Variants in PPP4R3B observed in about 807,000 individuals in gnomAD.
The protein encoded by PPP4R3B is protein phosphatase 4 regulatory subunit 3B, also known as serine/threonine-protein phosphatase 4 regulatory subunit 3B.
Under a neutral mutation model 95.4 loss-of-function variants are expected in PPP4R3B, and 52 were observed. The ratio of observed to expected loss-of-function variants is 0.54; its 90% CI spans 0.44 to 0.69. The LOEUF is 0.69. PPP4R3B is among the 30% of genes least tolerant of loss of function. The pLI, the probability that PPP4R3B is intolerant of heterozygous loss-of-function variation, is 0.00. For missense variants in PPP4R3B, 1,003 were observed against 1,005.9 expected (o/e 1.00, Z 0.04); for synonymous variants, 407 against 343.9 (o/e 1.18, Z -2.03).
At chr2:55,568,505 C>G in intron 12 of PPP4R3B, 142 bp from the exon 13 acceptor site, 3 of 609,122 alleles carry the variant, frequency 4.9e-6, no homozygotes, top group Non-Finnish European at 7.4e-6. Flanking sequence ...GTAAACTCCT[C>G]TAAAATGAAA....
intron 3 of PPP4R3B, among the ~76,000 whole-genome samples, chr2:55,602,417 A>C (rs1054649988): frequency 6.6e-6 from 1 of 152,226 alleles, no homozygotes; most frequent in Non-Finnish European, 1.5e-5. Context: ...CTAAGCACTC[A>C]GAATATCCTG....
At chr2:55,599,262 A>AC (rs1404051035) in intron 3 of PPP4R3B, among the ~76,000 whole-genome samples, 2 of 151,724 alleles carry the variant, frequency 1.3e-5, no homozygotes, top group Non-Finnish European at 2.9e-5. Context: ...ACATGGTGAA[A>AC]CCCCAACTCC....
intron 10 of PPP4R3B, among the ~76,000 whole-genome samples, chr2:55,577,751 T>C (rs1688879397): frequency 6.6e-6 from 1 of 152,132 alleles, no homozygotes; most frequent in African/African-American, 2.4e-5. Flanking sequence ...CATCTAATTT[T>C]TAAAAACAGA....
rs1473902185 is a variant in PPP4R3B, at chr2:55,575,024, G to A, written c.1607-1247C>T. On this transcript the variant is annotated intron_variant, in intron 11 of 16. Transcript: ENST00000616407. ...GCGATCTCGGCTCACTGCAAGCTCC[G>A]CCTCCCGGGTTCACGCCATTCTCCT... Among the ~76,000 whole-genome samples, 7 of 129,036 alleles carry A rather than the reference G, an allele frequency of 5.4e-5. No homozygotes were observed. The East Asian group carries it at 1.5e-3, about 27-fold the overall frequency. The allele number at this position is 129,036 out of a possible 152,430, so 84.7% of individuals were successfully genotyped here.
chr2:55,567,016 A>C (rs563595557), intron 13 of PPP4R3B, among the ~76,000 whole-genome samples: 10 of 152,340 alleles, frequency 6.6e-5, no homozygotes, highest in Non-Finnish European at 1.5e-4. Context: ...CAAACAAAAC[A>C]AAACAAAAAA....
At chr2:55,598,155 G>T (rs1190337911) in intron 4 of PPP4R3B, among the ~76,000 whole-genome samples, 1 of 152,164 alleles carries the variant, frequency 6.6e-6, no homozygotes, top group African/African-American at 2.4e-5. Flanking sequence ...GGGAAGCGTA[G>T]GTTGCAGTGA....
intron 12 of PPP4R3B, among the ~76,000 whole-genome samples, chr2:55,569,547 G>T (rs552921236): frequency 6.6e-6 from 1 of 152,296 alleles, no homozygotes; most frequent in African/African-American, 2.4e-5. Flanking sequence ...TCTATGATAA[G>T]CAGAAATAAT....
chr2:55,600,241 A>ACT (rs1692352313), intron 3 of PPP4R3B, among the ~76,000 whole-genome samples: 1 of 152,104 alleles, frequency 6.6e-6, no homozygotes, highest in Non-Finnish European at 1.5e-5. Flanking sequence ...AGCCTGACCA[A>ACT]CATGGAGAAA....
In PPP4R3B at chr2:55,591,889, ATACT is replaced by A. The variant is rs538063737; in HGVS notation, c.922-2937_922-2934del. Among the ~76,000 whole-genome samples, 388 of 152,332 alleles carry A rather than the reference ATACT, an allele frequency of 2.5e-3. 2 individuals carry two copies. Among genetic ancestry groups the A allele is most frequent in the African/African-American group, 7.5e-3 (313 of 41,584 alleles). The stretch of plus-strand genomic sequence containing the variant: ...ACTTAAAGCCTATCATATAGTTGAA[ATACT>A]TACTCCAAAATCTCTGGTTCTCCAA... On this transcript the variant is annotated intron_variant, in intron 4 of 16. Transcript: ENST00000616407.
At chr2:55,608,672 C>T (rs1287480002) in intron 2 of PPP4R3B, among the ~76,000 whole-genome samples, 1 of 152,190 alleles carries the variant, frequency 6.6e-6, no homozygotes, top group Non-Finnish European at 1.5e-5. Context: ...TGCATAAACT[C>T]TTCAAAAGCT....
At chr2:55,609,544 A>T (rs1050605348) in intron 2 of PPP4R3B, among the ~76,000 whole-genome samples, 3 of 151,794 alleles carry the variant, frequency 2.0e-5, no homozygotes, top group Admixed American at 1.3e-4. Flanking sequence ...CATGGTGTGC[A>T]CACCTACAGT....
At chr2:55,576,107 G>T (rs1303393757) in intron 11 of PPP4R3B, among the ~76,000 whole-genome samples, 1 of 152,158 alleles carries the variant, frequency 6.6e-6, no homozygotes, top group Non-Finnish European at 1.5e-5. Flanking sequence ...AGCACTTTGG[G>T]AGGCCAAGGT....
In PPP4R3B at chr2:55,548,081, G is replaced by A. The variant is rs901486081; in HGVS notation, c.*1830C>T. On this transcript the variant is annotated 3_prime_UTR_variant, in exon 17 of 17. Coordinates refer to ENST00000616407, the MANE Select transcript of PPP4R3B (RefSeq NM_001122964.3). ...AAATATCCTGAGTCACCTGCCTTAT[G>A]AGGTGGAAGGTCTTTCTTTCTTACT... The A allele has an allele frequency of 1.3e-5, 2 of 152,186 alleles. No individual in the cohort carries two copies. The highest frequency in any genetic ancestry group is 2.4e-5 in the African/African-American group (1 of 41,446). The allele number at this position is 152,186 out of a possible 1,614,324, so 9.4% of individuals were successfully genotyped here. A position where few individuals can be genotyped will look rare whatever the true frequency, so the allele number is the denominator to read the frequency against.
rs760007419 is a variant in PPP4R3B at position 55,598,935 on chromosome 2, C to G, written c.402G>C (p.Leu134=). The change falls in exon 4 of 17, where the codon CTG becomes CTC. Residue 134 remains leucine (L), a synonymous_variant. Coordinates refer to ENST00000616407, the MANE Select transcript of PPP4R3B (RefSeq NM_001122964.3). ...EMPETSHLID[L]PTCELNKLEE... ...CAAGTTTATTGAGTTCACATGTGGG[C>G]AGGTCAATCAGATGACTAGTTTCAG... The G allele has an allele frequency of 2.5e-6, 4 of 1,614,158 alleles. No individual in the cohort carries two copies. The Admixed American group carries it at 6.7e-5, about 27-fold the overall frequency.
intron 16 of PPP4R3B, among the ~76,000 whole-genome samples, chr2:55,557,974 T>C (rs1243582066): frequency 2.6e-5 from 4 of 152,136 alleles, no homozygotes; most frequent in Non-Finnish European, 5.9e-5. Context: ...TATAATCCAA[T>C]TTGCAGAGAA....
At position 55,548,247 on chromosome 2, in the gene PPP4R3B, G is replaced by A. The variant is rs149503852; in HGVS notation, c.*1664C>T. 2 of 152,456 alleles carry A rather than the reference G, an allele frequency of 1.3e-5. No homozygotes were observed. Among genetic ancestry groups the A allele is most frequent in the East Asian group, 3.9e-4 (2 of 5,178 alleles). 9.4% of individuals were successfully genotyped at this position (152,456 alleles called of 1,614,324 possible). ...TTTAGAATTATTTCATTAAAATTGG[G>A]GTATGATCTAGCAGTTTATAATAAA... On this transcript the variant is annotated 3_prime_UTR_variant, in exon 17 of 17. Coordinates refer to ENST00000616407, the MANE Select transcript of PPP4R3B (RefSeq NM_001122964.3).
At position 55,569,768 on chromosome 2, in the gene PPP4R3B, G is replaced by A. The variant is rs1272837987; in HGVS notation, c.1766-1405C>T. ...TACCGGTCTCCGCGTCTTGGTGGTA[G>A]TGGTCCCCCGGGCCCAGCTGTCTTT... On this transcript the variant is annotated intron_variant, in intron 12 of 16. Transcript: ENST00000616407. Among the ~76,000 whole-genome samples, 3 of 152,176 alleles carry A rather than the reference G, an allele frequency of 2.0e-5. No individual in the cohort carries two copies. In the East Asian group the frequency reaches 5.8e-4, roughly 29 times the overall value.
intron 13 of PPP4R3B, among the ~76,000 whole-genome samples, chr2:55,565,307 T>C (rs1687142983): frequency 7.9e-6 from 1 of 126,676 alleles, no homozygotes; most frequent in South Asian, 2.6e-4. Flanking sequence ...TCTTCTATTT[T>C]TTGTATATAT....
chr2:55,594,365 T>A (rs6760959), intron 4 of PPP4R3B, among the ~76,000 whole-genome samples: 20,504 of 151,296 alleles, frequency 0.14, 2,826 homozygotes, highest in African/African-American at 0.35. Flanking sequence ...AAGTAGTAAA[T>A]GTTATGTAAA....
Sources: gnomAD v4.1 joint callset for allele counts (sites outside exome capture counted in the v4.1 genomes callset) on GRCh38, gnomAD v4.1.1 for gene constraint, MANE v1.5 for transcripts, NCBI Gene and HGNC (gene_info 2026-07-23, HGNC 2026-07-21) for gene names.